Variants in CNR2 observed in about 807,000 individuals in gnomAD.
The protein encoded by CNR2 is cannabinoid receptor 2 (macrophage).
For missense variants in CNR2, 379 were observed against 439.9 expected, an observed-to-expected ratio of 0.86 and a Z score of 1.24; for synonymous variants, 172 against 182.2, an observed-to-expected ratio of 0.94 and a Z score of 0.45.
At chr1:23,891,527 G>A (rs551776556) in intron 1 of CNR2, among the ~76,000 whole-genome samples, 3 of 148,484 alleles carry the variant, frequency 2.0e-5, no homozygotes, top group South Asian at 4.2e-4. Context: ...GCTGAGGCAG[G>A]AGAATTGCTT....
At chr1:23,898,349 T>C (rs1640324326) in intron 1 of CNR2, among the ~76,000 whole-genome samples, 3 of 131,936 alleles carry the variant, frequency 2.3e-5, no homozygotes, top group African/African-American at 8.7e-5. Context: ...TTTTTTTTTT[T>C]TTTTTTTTTT....
At chr1:23,896,954 C>T (rs1640296816) in intron 1 of CNR2, among the ~76,000 whole-genome samples, 1 of 150,226 alleles carries the variant, frequency 6.7e-6, no homozygotes, top group African/African-American at 2.5e-5. Flanking sequence ...GGCGAGATCT[C>T]AGCTCACTGC....
chr1:23,900,541 T>C (rs1055815419), intron 1 of CNR2, among the ~76,000 whole-genome samples: 23 of 148,302 alleles, frequency 1.6e-4, no homozygotes, highest in Non-Finnish European at 3.0e-4. Context: ...AGTTTCACTC[T>C]TGTTGCCCAG....
intron 1 of CNR2, among the ~76,000 whole-genome samples, chr1:23,880,763 C>G (rs758217561): frequency 1.7e-4 from 26 of 150,868 alleles, no homozygotes; most frequent in Non-Finnish European, 3.1e-4. Flanking sequence ...GTAGAGATGG[C>G]GTTTCACCAT....
At position 23,872,375 on chromosome 1, in the gene CNR2, T is replaced by G. The variant is rs1639779185; in HGVS notation, c.*2160A>C. 6.6e-6 allele frequency: 1 copy of G among 152,046 alleles called. No homozygotes were observed. Among genetic ancestry groups the G allele is most frequent in the Non-Finnish European group, 1.5e-5 (1 of 68,020 alleles). The allele number at this position is 152,046 out of a possible 1,614,324, so 9.4% of individuals were successfully genotyped here. A position where few individuals can be genotyped will look rare whatever the true frequency, so the allele number is the denominator to read the frequency against. On this transcript the variant is annotated 3_prime_UTR_variant, in exon 2 of 2. Transcript: ENST00000374472. ...CAGTAAATTTCTGTTGATAAGCCAC[T>G]GGATTTGTGAAATTTATTACAGGAG...
At chr1:23,879,572 C>A (rs1042987836) in intron 1 of CNR2, among the ~76,000 whole-genome samples, 1 of 152,154 alleles carries the variant, frequency 6.6e-6, no homozygotes, top group African/African-American at 2.4e-5. Context: ...ATGATTGTGC[C>A]ACCACACTCC....
At chr1:23,909,968 C>CTT (rs1173757745) in intron 1 of CNR2, among the ~76,000 whole-genome samples, 12 of 142,894 alleles carry the variant, frequency 8.4e-5, no homozygotes, top group African/African-American at 2.6e-4. Flanking sequence ...CTCTCTCCTT[C>CTT]TTTTTTTTTT....
rs1183976150 is a variant in CNR2, at chr1:23,901,616, C to T, written c.-46+11630G>A. 4.4e-6 allele frequency: 7 copies of T among 1,593,252 alleles called. No individual in the cohort carries two copies. In the East Asian group the frequency reaches 1.6e-4, roughly 36 times the overall value. ...CTGCCCAAAGTAGCTGAGGTTGCTG[C>T]CGTCCAGAACAGCACTGGCCATGTA... On this transcript the variant is annotated intron_variant, in intron 1 of 1. Transcript: ENST00000374472.
intron 1 of CNR2, among the ~76,000 whole-genome samples, chr1:23,881,018 G>A (rs954921577): frequency 2.4e-4 from 36 of 151,744 alleles, no homozygotes; most frequent in African/African-American, 8.7e-4. Flanking sequence ...GCTTACACCT[G>A]TAATCCCAGC....
Position 23,874,931 on chromosome 1 carries a change from C to T in CNR2, c.687G>A (p.Arg229=), listed in dbSNP as rs772561621. ...HVASLSGHQD[R]QVPGMARMRL... ...TCATTCGGGCCATTCCTGGCACCTG[C>T]CTGTCCTGGTGGCCAGACAAGCTGG... is the stretch of plus-strand genomic sequence containing the variant. The change falls in exon 2 of 2, where the codon AGG becomes AGA. Residue 229 remains arginine (R), a synonymous_variant. Transcript: ENST00000374472. The T allele has an allele frequency of 1.2e-6, 2 of 1,612,612 alleles. No individual in the cohort carries two copies. The highest frequency in any genetic ancestry group is 1.3e-5 in the African/African-American group (1 of 74,928).
chr1:23,894,773 A>G (rs76707394), intron 1 of CNR2, among the ~76,000 whole-genome samples: 2 of 148,844 alleles, frequency 1.3e-5, no homozygotes, highest in South Asian at 2.1e-4. Context: ...CTCAAAAAAA[A>G]AAAGAAAGAA....
Position 23,870,742 on chromosome 1 carries a change from C to T in CNR2, c.*3793G>A, listed in dbSNP as rs1639748445. On this transcript the variant is annotated 3_prime_UTR_variant, in exon 2 of 2. Transcript: ENST00000374472. ...ATCTCGTTTGTCTCCCTGAGCAAGT[C>T]TTGTCCACTGTCTGGGCCCATTTCC... The T allele has an allele frequency of 6.6e-6, 1 of 152,252 alleles. No individual in the cohort carries two copies. The highest frequency in any genetic ancestry group is 1.5e-5 in the Non-Finnish European group (1 of 68,094). 9.4% of individuals were successfully genotyped at this position (152,252 alleles called of 1,614,324 possible).
intron 1 of CNR2, among the ~76,000 whole-genome samples, chr1:23,898,338 T>C (rs1380710213): frequency 0.42 from 646 of 1,532 alleles, 88 homozygotes; most frequent in African/African-American, 0.51. Flanking sequence ...CGCCCGGCTT[T>C]TTTTTTTTTT....
intron 1 of CNR2, among the ~76,000 whole-genome samples, chr1:23,895,552 G>A (rs1361057743): frequency 1.3e-5 from 2 of 152,128 alleles, no homozygotes; most frequent in Admixed American, 6.6e-5. Context: ...CTATCACCAG[G>A]CTGGAGTGCA....
chr1:23,876,834 CAA>C (rs72220399), intron 1 of CNR2, among the ~76,000 whole-genome samples: 78 of 120,248 alleles, frequency 6.5e-4, no homozygotes, highest in Non-Finnish European at 1.1e-3. Context: ...GACTCTGTCT[CAA>C]AAAAAAAAAA....
At chr1:23,896,874 C>T (rs1395641688) in intron 1 of CNR2, among the ~76,000 whole-genome samples, 1 of 114,564 alleles carries the variant, frequency 8.7e-6, no homozygotes, top group Non-Finnish European at 1.7e-5. Flanking sequence ...CCATCTGCAC[C>T]AGGAGTGTTT....
intron 1 of CNR2, among the ~76,000 whole-genome samples, chr1:23,909,120 C>A (rs1290969037): frequency 6.6e-6 from 1 of 152,020 alleles, no homozygotes; most frequent in East Asian, 1.9e-4. Flanking sequence ...TGGATGGGGC[C>A]CCAGCAGCCT....
At chr1:23,875,968 A>T (rs1051652327) in intron 1 of CNR2, among the ~76,000 whole-genome samples, 1 of 152,146 alleles carries the variant, frequency 6.6e-6, no homozygotes, top group Non-Finnish European at 1.5e-5. Flanking sequence ...AAATCCCAAA[A>T]GGTCAAAACC....
At position 23,874,949 on chromosome 1, in the gene CNR2, C is replaced by G; in HGVS notation, c.669G>C (p.Leu223Phe). 1 of 1,611,364 alleles carries G rather than the reference C, an allele frequency of 6.2e-7. No individual in the cohort carries two copies. The highest frequency in any genetic ancestry group is 8.5e-7 in the Non-Finnish European group (1 of 1,178,356). ...LWKAHQHVAS[L>F]SGHQDRQVPG... is the part of the protein sequence containing the mutation. Reference sequence around the variant, plus strand: ...GCACCTGCCTGTCCTGGTGGCCAGACAAGCTGGCCACATGCTGATGGGCCT... The same window carrying G: ...GCACCTGCCTGTCCTGGTGGCCAGAGAAGCTGGCCACATGCTGATGGGCCT... The change falls in exon 2 of 2, where the codon TTG becomes TTC. Residue 223 changes from leucine (L) to phenylalanine (F), a missense_variant. Leu to Phe is a conservative substitution (Grantham distance 22). Coordinates refer to ENST00000374472, the MANE Select transcript of CNR2 (RefSeq NM_001841.3).
Sources: gnomAD v4.1 joint callset for allele counts (sites outside exome capture counted in the v4.1 genomes callset) on GRCh38, gnomAD v4.1.1 for gene constraint, MANE v1.5 for transcripts, NCBI Gene and HGNC (gene_info 2026-07-23, HGNC 2026-07-21) for gene names.